The following HAPLN4 variants were observed in gnomAD, a reference collection of about 807,000 sequenced individuals.
HAPLN4 encodes the protein brain link protein 2.
In HAPLN4, 19 loss-of-function variants were observed where a neutral mutation model predicts 28.0. That is an observed-to-expected ratio of 0.68 (90% CI 0.47 to 1.00). The LOEUF is 1.00. Ranked by LOEUF, HAPLN4 falls within the 50% of genes least tolerant of loss-of-function variation. The probability of loss-of-function intolerance (pLI) is 0.00; values close to 1 mark genes in which losing one functional copy is unlikely to be tolerated. For synonymous variants in HAPLN4, 274 were observed against 273.0 expected, an observed-to-expected ratio of 1.00 and a Z score of -0.03; for missense variants, 587 against 602.6, an observed-to-expected ratio of 0.97 and a Z score of 0.27.
Position 19,258,736 on chromosome 19 carries a change from A to C in HAPLN4, c.604T>G (p.Trp202Gly). The C allele has an allele frequency of 6.2e-7, 1 of 1,603,292 alleles. No homozygotes were observed. The highest frequency in any genetic ancestry group is 2.2e-5 in the East Asian group (1 of 44,520). The change falls in exon 4 of 5, where the codon TGG becomes GGG. Residue 202 changes from tryptophan (W) to glycine (G), a missense_variant. Physicochemically the swap from Trp to Gly is radical, Grantham distance 184 (BLOSUM62 -2). Coordinates refer to ENST00000291481, the MANE Select transcript of HAPLN4 (RefSeq NM_023002.3). This position sits in a 1 kb window ranked among gnomAD's most constrained non-coding sequence, Gnocchi z 6.2. ...LASAEQLHAA[W>G]RDGLDWCNAG... is the part of the protein sequence containing the mutation. ...TTGCACCAGTCCAGGCCGTCGCGCC[A>C]GGCCGCGTGCAGCTGTTCTGCAGAT... is the stretch of plus-strand genomic sequence containing the variant.
intron 3 of HAPLN4, among the ~76,000 whole-genome samples, chr19:19,259,894 C>A (rs1014417553): frequency 1.3e-5 from 2 of 152,172 alleles, no homozygotes; most frequent in African/African-American, 2.4e-5. Flanking sequence ...ATCAGAGCAT[C>A]CCATCTTCCA....
In HAPLN4 at chr19:19,255,770, C is replaced by T. The variant is rs2060963637; in HGVS notation, c.*2047G>A. 6.6e-6 allele frequency: 1 copy of T among 152,240 alleles called. No individual in the cohort carries two copies. Among genetic ancestry groups the T allele is most frequent in the Admixed American group, 6.5e-5 (1 of 15,276 alleles). The allele number at this position is 152,240 out of a possible 1,614,324, so 9.4% of individuals were successfully genotyped here. ...TCAGAAGGAGTTTGTCACTTGGTCA[C>T]ACAGTGAGCAAGAAGAGGCAGAATT... On this transcript the variant is annotated 3_prime_UTR_variant, in exon 5 of 5. Coordinates refer to ENST00000291481, the MANE Select transcript of HAPLN4 (RefSeq NM_023002.3).
chr19:19,259,785 A>ATC (rs1209738357), intron 3 of HAPLN4, among the ~76,000 whole-genome samples: 1 of 152,162 alleles, frequency 6.6e-6, no homozygotes, highest in African/African-American at 2.4e-5. Flanking sequence ...GGGCCCTGAA[A>ATC]TCTCACCTAG....
chr19:19,261,043 T>C lies in HAPLN4; in HGVS notation c.254A>G (p.Lys85Arg). 1 of 1,613,444 alleles carries C rather than the reference T, an allele frequency of 6.2e-7. No homozygotes were observed. The highest frequency in any genetic ancestry group is 8.5e-7 in the Non-Finnish European group (1 of 1,180,010). Residue 85 changes from lysine (K) to arginine (R), a missense_variant, in exon 3 of 5, where the codon AAG becomes AGG. Lys to Arg is a conservative substitution (Grantham distance 26). Transcript: ENST00000291481. ...AAHGHDGVRL[K>R]WTKVVDPLAF... ...CAGCGGGTCCACCACCTTTGTCCAC[T>C]TGAGCCGGACGCCGTCGTGACCGTG...
In HAPLN4 at chr19:19,255,882, G is replaced by A. The variant is rs2060964025; in HGVS notation, c.*1935C>T. On this transcript the variant is annotated 3_prime_UTR_variant, in exon 5 of 5. Coordinates refer to ENST00000291481, the MANE Select transcript of HAPLN4 (RefSeq NM_023002.3). ...TAAAGAGGGCCCCAGGGGGACCCCA[G>A]TACTCCTGCAGGCAAGACTTCGGGA... 6.6e-6 allele frequency: 1 copy of A among 152,232 alleles called. No homozygotes were observed. Among genetic ancestry groups the A allele is most frequent in the African/African-American group, 2.4e-5 (1 of 41,464 alleles). The allele number at this position is 152,232 out of a possible 1,614,324, so 9.4% of individuals were successfully genotyped here.
In HAPLN4 at chr19:19,258,421, G is replaced by A. The variant is rs931621324; in HGVS notation, c.817+102C>T. ...GCTGCGCCTAGGCACTCTTGGGAGA[G>A]GGGTCTCCTGTTTCTGATCGCTAAG... On this transcript the variant is annotated intron_variant, in intron 4 of 4. Transcript: ENST00000291481. The surrounding 1 kb of genome is among the most constrained non-coding windows in gnomAD (Gnocchi z 6.2). The A allele has an allele frequency of 6.3e-6, 8 of 1,273,574 alleles. No individual in the cohort carries two copies. The highest frequency in any genetic ancestry group is 1.3e-5 in the South Asian group (1 of 74,688). 78.9% of individuals were successfully genotyped at this position (1,273,574 alleles called of 1,614,324 possible). A position where few individuals can be genotyped will look rare whatever the true frequency, so the allele number is the denominator to read the frequency against.
In HAPLN4 at chr19:19,257,881, G is replaced by A; in HGVS notation, c.1145C>T (p.Ala382Val). The A allele has an allele frequency of 6.9e-7, 1 of 1,459,246 alleles. No homozygotes were observed. Among genetic ancestry groups the A allele is most frequent in the South Asian group, 1.4e-5 (1 of 73,418 alleles). 90.4% of individuals were successfully genotyped at this position (1,459,246 alleles called of 1,614,324 possible). Reference sequence around the variant, plus strand: ...GCCCCCTGCCCAGCCGCCGCCGCCCGCCCAGCCCCAGCCCCAGCCGCCAGG... The same window carrying A: ...GCCCCCTGCCCAGCCGCCGCCGCCCACCCAGCCCCAGCCCCAGCCGCCAGG... Reference protein sequence around the residue: ...PAPGGWGWGWAGGGGWAGGAR... With the variant: ...PAPGGWGWGWVGGGGWAGGAR... The change falls in exon 5 of 5, where the codon GCG (alanine) becomes GTG (valine). Residue 382 changes from alanine to valine, a missense_variant. Ala to Val is a moderately conservative substitution (Grantham distance 64). Coordinates refer to ENST00000291481, the MANE Select transcript of HAPLN4 (RefSeq NM_023002.3).
chr19:19,259,118 C>T (rs1255590533), intron 3 of HAPLN4, among the ~76,000 whole-genome samples: 1 of 152,194 alleles, frequency 6.6e-6, no homozygotes, highest in Non-Finnish European at 1.5e-5. Flanking sequence ...TGCTCATGCT[C>T]TTTCCACCTT....
Position 19,261,543 on chromosome 19 carries a change from G to T in HAPLN4, c.24C>A (p.Leu8=), listed in dbSNP as rs773386254. 283 of 1,571,422 alleles carry T rather than the reference G, an allele frequency of 1.8e-4. 1 individual carries two copies. Among genetic ancestry groups the T allele is most frequent in the Non-Finnish European group, 2.2e-4 (254 of 1,161,034 alleles). MVCARAA[L]GPGALWAAAW... The stretch of plus-strand genomic sequence containing the variant: ...CCGCGGCCCAGAGCGCGCCGGGACC[G>T]AGGGCCGCCCGAGCGCACACCTGGG... Residue 8 remains leucine (L), a synonymous_variant, in exon 2 of 5, where the codon CTC becomes CTA. Transcript: ENST00000291481.
chr19:19,260,271 C>T (rs1189048131), intron 3 of HAPLN4, among the ~76,000 whole-genome samples: 7 of 152,112 alleles, frequency 4.6e-5, no homozygotes, highest in Non-Finnish European at 7.4e-5. Context: ...GGCTGGAGTG[C>T]AGTGGCACGA....
rs2060963060 is a variant in HAPLN4 at position 19,255,567 on chromosome 19, C to T, written c.*2250G>A. 6.6e-6 allele frequency: 1 copy of T among 152,084 alleles called. No individual in the cohort carries two copies. Among genetic ancestry groups the T allele is most frequent in the South Asian group, 2.1e-4 (1 of 4,808 alleles). 9.4% of individuals were successfully genotyped at this position (152,084 alleles called of 1,614,324 possible). ...CTCAAAAAAACAAAACAAAAAAAACCCCAAGCCCCCCAAGCTTGTAACATC... is the reference window on the plus strand; with the variant it reads ...CTCAAAAAAACAAAACAAAAAAAACTCCAAGCCCCCCAAGCTTGTAACATC... On this transcript the variant is annotated 3_prime_UTR_variant, in exon 5 of 5. Coordinates refer to ENST00000291481, the MANE Select transcript of HAPLN4 (RefSeq NM_023002.3).
chr19:19,258,838 G>A lies in HAPLN4; in HGVS notation c.502C>T (p.His168Tyr), dbSNP rs1292033134. The A allele has an allele frequency of 6.4e-7, 1 of 1,566,788 alleles. No homozygotes were observed. Among genetic ancestry groups the A allele is most frequent in the Non-Finnish European group, 8.7e-7 (1 of 1,155,342 alleles). Reference sequence around the variant, plus strand: ...AGCTTGTATCGGCCTCCACGGGGGTGGTAGGGAAAGACCACGCCTGGCGGG... The same window carrying A: ...AGCTTGTATCGGCCTCCACGGGGGTAGTAGGGAAAGACCACGCCTGGCGGG... ...LDLEGVVFPY[H>Y]PRGGRYKLTF... The change falls in exon 4 of 5, where the codon CAC (histidine) becomes TAC (tyrosine). Residue 168 changes from histidine (H) to tyrosine (Y), a missense_variant. Coordinates refer to ENST00000291481, the MANE Select transcript of HAPLN4 (RefSeq NM_023002.3). The surrounding 1 kb of genome is among the most constrained non-coding windows in gnomAD (Gnocchi z 6.2).
intron 1 of HAPLN4, among the ~76,000 whole-genome samples, chr19:19,261,952 G>A (rs2060985135): frequency 6.6e-6 from 1 of 152,152 alleles, no homozygotes; most frequent in Non-Finnish European, 1.5e-5. Flanking sequence ...GGGCCGGGGC[G>A]GGCAGGGAGG....
Position 19,260,841 on chromosome 19 carries a change from G to C in HAPLN4, c.456C>G (p.Asp152Glu), listed in dbSNP as rs945018019. The C allele has an allele frequency of 7.4e-5, 120 of 1,612,052 alleles. No individual in the cohort carries two copies. The highest frequency in any genetic ancestry group is 1.0e-4 in the Non-Finnish European group (119 of 1,178,484). The change falls in exon 3 of 5, where the codon GAC (aspartate) becomes GAG (glutamate). Residue 152 changes from aspartate to glutamate, a missense_variant. Physicochemically the swap from Asp to Glu is conservative, Grantham distance 45. Transcript: ENST00000291481. ...CCAGGTCCAGCTTGACCATGCCAGCGTCATCTTCCAGCTCATTGGTGACTT... is the reference window on the plus strand; with the variant it reads ...CCAGGTCCAGCTTGACCATGCCAGCCTCATCTTCCAGCTCATTGGTGACTT... ...ECEVTNELEDDAGMVKLDLEG... is the reference protein window; with the variant it reads ...ECEVTNELEDEAGMVKLDLEG...
Position 19,261,022 on chromosome 19 carries a change from G to C in HAPLN4, c.275C>G (p.Pro92Arg). The C allele has an allele frequency of 6.2e-7, 1 of 1,613,578 alleles. No individual in the cohort carries two copies. Among genetic ancestry groups the C allele is most frequent in the Non-Finnish European group, 8.5e-7 (1 of 1,180,002 alleles). Residue 92 changes from proline to arginine, a missense_variant, in exon 3 of 5, where the codon CCG becomes CGG. Transcript: ENST00000291481. ...CACGAAGACGTCGGTGAAGGCCAGC[G>C]GGTCCACCACCTTTGTCCACTTGAG... ...VRLKWTKVVD[P>R]LAFTDVFVAL... is the part of the protein sequence containing the mutation.
Position 19,258,835 on chromosome 19 carries a change from G to T in HAPLN4, c.505C>A (p.Pro169Thr). ...GTCAGCTTGTATCGGCCTCCACGGG[G>T]GTGGTAGGGAAAGACCACGCCTGGC... ...DLEGVVFPYH[P>T]RGGRYKLTFA... The change falls in exon 4 of 5, where the codon CCC (proline) becomes ACC (threonine). Residue 169 changes from proline (P) to threonine (T), a missense_variant. Physicochemically the swap from Pro to Thr is conservative, Grantham distance 38. Transcript: ENST00000291481. This position sits in a 1 kb window ranked among gnomAD's most constrained non-coding sequence, Gnocchi z 6.2. 1 of 1,570,424 alleles carries T rather than the reference G, an allele frequency of 6.4e-7. No homozygotes were observed. Among genetic ancestry groups the T allele is most frequent in the Admixed American group, 1.8e-5 (1 of 55,830 alleles).
At position 19,256,627 on chromosome 19, in the gene HAPLN4, G is replaced by C. The variant is rs1327820557; in HGVS notation, c.*1190C>G. On this transcript the variant is annotated 3_prime_UTR_variant, in exon 5 of 5. Transcript: ENST00000291481. ...GGGGGTGGAGCATGGAGGGTGGTCT[G>C]GAACTGGAGTGGGCCTGGGGACAGG... The C allele has an allele frequency of 6.6e-6, 1 of 152,650 alleles. No homozygotes were observed. The highest frequency in any genetic ancestry group is 1.5e-5 in the Non-Finnish European group (1 of 68,114). 9.5% of individuals were successfully genotyped at this position (152,650 alleles called of 1,614,324 possible).
chr19:19,261,450 C>A lies in HAPLN4; in HGVS notation c.117G>T (p.Val39=). The A allele has an allele frequency of 6.2e-7, 1 of 1,610,594 alleles. No individual in the cohort carries two copies. Among genetic ancestry groups the A allele is most frequent in the Non-Finnish European group, 8.5e-7 (1 of 1,178,082 alleles). The change falls in exon 2 of 5, where the codon GTG becomes GTT. Residue 39 remains valine (V), a synonymous_variant. Transcript: ENST00000291481. ...CTTTTAGCGGCCCTGACTCACCCAG[C>A]ACGTGCACGACCTTCTTCCGGCCAC... ...AQRGRKKVVH[V]LEGESGSVVV...
rs564663902 is a variant in HAPLN4 at position 19,257,000 on chromosome 19, G to A, written c.*817C>T. ...TACCGGTCCCCAGGCCTGGGAAGAT[G>A]GTCTGTTTGGTGACAGTTGGGAAAG... On this transcript the variant is annotated 3_prime_UTR_variant, in exon 5 of 5. Transcript: ENST00000291481. The A allele has an allele frequency of 1.5e-3, 223 of 152,724 alleles. 1 individual carries two copies. The highest frequency in any genetic ancestry group is 1.7e-3 in the Non-Finnish European group (117 of 68,054). The allele number at this position is 152,724 out of a possible 1,614,324, so 9.5% of individuals were successfully genotyped here.
Sources: allele counts gnomAD v4.1 joint callset (sites outside exome capture counted in the v4.1 genomes callset), GRCh38; gene constraint gnomAD v4.1.1; non-coding constraint Gnocchi (gnomAD v3.1); transcripts MANE v1.5; gene names NCBI Gene and HGNC (gene_info 2026-07-23, HGNC 2026-07-21).